The following ELL3 variants were observed in gnomAD, a reference collection of about 807,000 sequenced individuals.
ELL3 encodes the protein RNA polymerase II elongation factor ELL3.
Under a neutral mutation model 58.5 loss-of-function variants are expected in ELL3, and 48 were observed. The observed-to-expected ratio is 0.82, with a 90% CI of 0.65 to 1.04. ELL3 has a LOEUF of 1.04. Ranked by LOEUF, ELL3 falls within the 50% of genes least tolerant of loss-of-function variation. The probability of loss-of-function intolerance (pLI) is 0.00; values close to 1 mark genes in which losing one functional copy is unlikely to be tolerated. For synonymous variants in ELL3, 174 were observed against 173.2 expected (o/e 1.00, Z -0.04); for missense variants, 458 against 478.4 (o/e 0.96, Z 0.40).
chr15:43,773,252 AAAAGT>A, intron 10 of ELL3, 26 bp from the exon 11 acceptor site: 1 of 1,613,798 alleles, frequency 6.2e-7, no homozygotes, highest in Non-Finnish European at 8.5e-7. Flanking sequence ...ATCCATGTCA[AAAAGT>A]AAAAATTCTC....
At chr15:43,776,362 T>C in intron 2 of ELL3, 147 bp downstream of exon 2, 3 of 1,351,566 alleles carry the variant, frequency 2.2e-6, no homozygotes, top group Non-Finnish European at 1.0e-6. Flanking sequence ...CCCAGCAGCC[T>C]CCTCGCCCCA....
intron 5 of ELL3, 52 bp downstream of exon 5, chr15:43,775,469 TAGAA>T (rs2086907865): frequency 3.7e-6 from 6 of 1,610,308 alleles, no homozygotes; most frequent in Admixed American, 1.7e-5. Flanking sequence ...GAGTGGAGAT[TAGAA>T]AGGAAGACAA....
At chr15:43,775,496 C>T in intron 5 of ELL3, 29 bp downstream of exon 5, 1 of 1,613,524 alleles carries the variant, frequency 6.2e-7, no homozygotes, top group Non-Finnish European at 8.5e-7. Context: ...CCAAAGCTTC[C>T]CATGTTAGTC....
In ELL3 at chr15:43,774,339, A is replaced by G. The variant is rs1596027937; in HGVS notation, c.881T>C (p.Ile294Thr). The G allele has an allele frequency of 6.2e-7, 1 of 1,614,122 alleles. No homozygotes were observed. Among genetic ancestry groups the G allele is most frequent in the Admixed American group, 1.7e-5 (1 of 60,028 alleles). The change falls in exon 9 of 11, where the codon ATC (isoleucine) becomes ACC (threonine). Residue 294 changes from isoleucine to threonine, a missense_variant. Ile to Thr is a moderately conservative substitution (Grantham distance 89). Coordinates refer to ENST00000319359, the MANE Select transcript of ELL3 (RefSeq NM_025165.3). ...IPDYLLQYRA[I>T]HSAEQQHAYE... Reference sequence around the variant, plus strand: ...GGCATGTTGCTGTTCTGCACTGTGGATGGCCCTGTATTGCCTGCCAGGAGC... The same window carrying G: ...GGCATGTTGCTGTTCTGCACTGTGGGTGGCCCTGTATTGCCTGCCAGGAGC...
In ELL3 at chr15:43,772,983, C is replaced by CAGCT. The variant is rs1269908852; in HGVS notation, c.*129_*132dup. The CAGCT allele has an allele frequency of 3.7e-6, 3 of 812,542 alleles. No homozygotes were observed. The highest frequency in any genetic ancestry group is 2.7e-5 in the Admixed American group (1 of 36,950). The allele number at this position is 812,542 out of a possible 1,614,324, so 50.3% of individuals were successfully genotyped here. A position where few individuals can be genotyped will look rare whatever the true frequency, so the allele number is the denominator to read the frequency against. ...AAAACCAAACCTCAAGAACCTAGAG[C>CAGCT]AGCTCTCTACTTGCCACCATGGACT... On this transcript the variant is annotated 3_prime_UTR_variant, in exon 11 of 11. Transcript: ENST00000319359.
In ELL3 at chr15:43,775,902, G is replaced by C; in HGVS notation, c.303C>G (p.His101Gln). 1 of 1,614,218 alleles carries C rather than the reference G, an allele frequency of 6.2e-7. No homozygotes were observed. The highest frequency in any genetic ancestry group is 8.5e-7 in the Non-Finnish European group (1 of 1,180,038). ...RFLRSGPNSL[H>Q]CLGSLRERLI... Reference sequence around the variant, plus strand: ...GGCGCTCCCTGAGTGAGCCCAGGCAGTGGAGGCTGTTAGGCCCAGACCTGG... The same window carrying C: ...GGCGCTCCCTGAGTGAGCCCAGGCACTGGAGGCTGTTAGGCCCAGACCTGG... The change falls in exon 4 of 11, where the codon CAC (histidine) becomes CAG (glutamine). Residue 101 changes from histidine to glutamine, a missense_variant. Transcript: ENST00000319359.
rs202152081 is a variant in ELL3 at position 43,775,823 on chromosome 15, G to A, written c.382C>T (p.His128Tyr). The change falls in exon 4 of 11, where the codon CAC becomes TAC. Residue 128 changes from histidine (H) to tyrosine (Y), a missense_variant. Transcript: ENST00000319359. ...TGTCTGGCATCTTCAGTCAGGTTGT[G>A]TCCCTGAACTGATGATGGGGCTGGG... ...SIPAPSSVQG[H>Y]NLTEDARHPE... The A allele has an allele frequency of 6.2e-7, 1 of 1,614,162 alleles. No homozygotes were observed. Among genetic ancestry groups the A allele is most frequent in the East Asian group, 2.2e-5 (1 of 44,888 alleles).
At chr15:43,776,609 C>T (rs1476577223) in intron 1 of ELL3, 65 bp from the exon 2 acceptor site, 1 of 1,551,646 alleles carries the variant, frequency 6.4e-7, no homozygotes, top group Non-Finnish European at 8.7e-7. Context: ...GATCCGGCGT[C>T]CGGAGCCCGG....
At position 43,774,470 on chromosome 15, in the gene ELL3, A is replaced by G. The variant is rs745413401; in HGVS notation, c.866+6T>C. ...TTGATGAAATTGGAAAAAGCAAGGA[A>G]CTCACAGGAGGTAGTCTGGTATATC... is the stretch of plus-strand genomic sequence containing the variant. On this transcript the variant is annotated splice_donor_region_variant and intron_variant, in intron 8 of 10. Transcript: ENST00000319359. The G allele has an allele frequency of 6.2e-7, 1 of 1,613,992 alleles. No homozygotes were observed. The highest frequency in any genetic ancestry group is 8.5e-7 in the Non-Finnish European group (1 of 1,180,018).
Position 43,776,936 on chromosome 15 carries a change from A to T in ELL3, c.-35T>A. 6.2e-7 allele frequency: 1 copy of T among 1,604,502 alleles called. No homozygotes were observed. The highest frequency in any genetic ancestry group is 8.5e-7 in the Non-Finnish European group (1 of 1,179,108). On this transcript the variant is annotated 5_prime_UTR_variant, in exon 1 of 11. Transcript: ENST00000319359. Reference sequence around the variant, plus strand: ...TTCGAGTGCAAGCAGCACGGGGGCCACAGGCGAGGGCCACCACCGCCACCT... The same window carrying T: ...TTCGAGTGCAAGCAGCACGGGGGCCTCAGGCGAGGGCCACCACCGCCACCT...
Position 43,775,355 on chromosome 15 carries a change from T to C in ELL3, c.596A>G (p.Glu199Gly), listed in dbSNP as rs1331154352. The change falls in exon 6 of 11, where the codon GAA becomes GGA. Residue 199 changes from glutamate to glycine, a missense_variant. Coordinates refer to ENST00000319359, the MANE Select transcript of ELL3 (RefSeq NM_025165.3). Reference protein sequence around the residue: ...VRSQTHVPNREPVQALPSSAS... With the variant: ...VRSQTHVPNRGPVQALPSSAS... Reference sequence around the variant, plus strand: ...AGAGGAAGGCAGTGCCTGAACAGGTTCTCTGTTTGGAACATGGGTCTGGCT... The same window carrying C: ...AGAGGAAGGCAGTGCCTGAACAGGTCCTCTGTTTGGAACATGGGTCTGGCT... 6.2e-7 allele frequency: 1 copy of C among 1,613,656 alleles called. No individual in the cohort carries two copies. The highest frequency in any genetic ancestry group is 2.2e-5 in the East Asian group (1 of 44,870).
chr15:43,773,021 A>T lies in ELL3; in HGVS notation c.*95T>A. The T allele has an allele frequency of 8.3e-7, 1 of 1,203,294 alleles. No homozygotes were observed. Among genetic ancestry groups the T allele is most frequent in the South Asian group, 1.5e-5 (1 of 66,794 alleles). The allele number at this position is 1,203,294 out of a possible 1,614,324, so 74.5% of individuals were successfully genotyped here. On this transcript the variant is annotated 3_prime_UTR_variant, in exon 11 of 11. Transcript: ENST00000319359. Reference sequence around the variant, plus strand: ...GCCACCATGGACTCCAGTGGTCAGCATAAGAAAAGCAGATAGTTGCATTCT... The same window carrying T: ...GCCACCATGGACTCCAGTGGTCAGCTTAAGAAAAGCAGATAGTTGCATTCT...
chr15:43,773,744 G>A (rs909183030), intron 9 of ELL3, among the ~76,000 whole-genome samples: 9 of 151,834 alleles, frequency 5.9e-5, no homozygotes, highest in African/African-American at 2.2e-4. Flanking sequence ...GCTCACACCT[G>A]TAATCCCAGC....
chr15:43,774,714 A>C lies in ELL3; in HGVS notation c.705T>G (p.Pro235=). The C allele has an allele frequency of 6.2e-7, 1 of 1,614,104 alleles. No homozygotes were observed. The highest frequency in any genetic ancestry group is 8.5e-7 in the Non-Finnish European group (1 of 1,180,004). The stretch of plus-strand genomic sequence containing the variant: ...GGCCTTGTAGGGGGCTTGGCACTAA[A>C]GGCAGAGTTCTGAACCTCTTTTCTT... ...ELEEKRFRTL[P]LVPSPLQGLT... The change falls in exon 7 of 11, where the codon CCT becomes CCG. Residue 235 remains proline (P), a synonymous_variant. Coordinates refer to ENST00000319359, the MANE Select transcript of ELL3 (RefSeq NM_025165.3).
In ELL3 at chr15:43,775,202, ATT is replaced by A. The variant is rs1386462857; in HGVS notation, c.645+102_645+103del. ...ATTCCTCCCATATAACGAGCTTCCA[ATT>A]TCTAAATTTTAGCTTGACTAAAAGT... On this transcript the variant is annotated intron_variant, in intron 6 of 10. Transcript: ENST00000319359. 3.3e-6 allele frequency: 4 copies of A among 1,208,692 alleles called. No homozygotes were observed. The African/African-American group carries it at 6.2e-5, about 19-fold the overall frequency. The allele number at this position is 1,208,692 out of a possible 1,614,324, so 74.9% of individuals were successfully genotyped here. A position where few individuals can be genotyped will look rare whatever the true frequency, so the allele number is the denominator to read the frequency against.
chr15:43,774,769 C>T lies in ELL3; in HGVS notation c.650G>A (p.Arg217His), dbSNP rs371276064. Residue 217 changes from arginine to histidine, a missense_variant, in exon 7 of 11, where the codon CGT becomes CAT. Arg to His is a conservative substitution (Grantham distance 29, BLOSUM62 0). Transcript: ENST00000319359. ...TTCTACAGTGGCTACAGGCACTGAA[C>T]GTTTCTGTTGAGGAAAATATCTGTG... Reference protein sequence around the residue: ...SASRKRLDKKRSVPVATVELE... With the variant: ...SASRKRLDKKHSVPVATVELE... The T allele has an allele frequency of 4.9e-5, 79 of 1,596,552 alleles. No individual in the cohort carries two copies. Among genetic ancestry groups the T allele is most frequent in the Non-Finnish European group, 6.0e-5 (71 of 1,175,072 alleles).
rs1326285901 is a variant in ELL3 at position 43,776,556 on chromosome 15, G to A, written c.133-12C>T. The A allele has an allele frequency of 6.4e-7, 1 of 1,566,020 alleles. No individual in the cohort carries two copies. Among genetic ancestry groups the A allele is most frequent in the African/African-American group, 1.3e-5 (1 of 74,076 alleles). Reference sequence around the variant, plus strand: ...ATCACCGGCCGTACCTGCGGGGAGAGCGAAGATGTGACCGTTGAGCGCAGG... The same window carrying A: ...ATCACCGGCCGTACCTGCGGGGAGAACGAAGATGTGACCGTTGAGCGCAGG... On this transcript the variant is annotated splice_polypyrimidine_tract_variant and intron_variant, in intron 1 of 10. Transcript: ENST00000319359.
chr15:43,776,205 C>G, intron 2 of ELL3, 54 bp from the exon 3 acceptor site: 1 of 1,498,582 alleles, frequency 6.7e-7, no homozygotes. Context: ...CCCCCTCCTG[C>G]CGCCGCCACT....
At position 43,776,427 on chromosome 15, in the gene ELL3, C is replaced by T. The variant is rs1037698520; in HGVS notation, c.168+82G>A. On this transcript the variant is annotated intron_variant, in intron 2 of 10. Transcript: ENST00000319359. ...GACCGTGACTACTCGCAGCCTCCGG[C>T]CCCGACCGCACCTTCCACCTCCAGC... 2.8e-5 allele frequency: 44 copies of T among 1,547,004 alleles called. No individual in the cohort carries two copies. In the Admixed American group the frequency reaches 6.1e-4, roughly 21 times the overall value.
Sources: gnomAD v4.1 joint callset for allele counts (sites outside exome capture counted in the v4.1 genomes callset) on GRCh38, gnomAD v4.1.1 for gene constraint, MANE v1.5 for transcripts, NCBI Gene and HGNC (gene_info 2026-07-23, HGNC 2026-07-21) for gene names.